SRGAP3: variants seen among roughly 807,000 people sequenced by gnomAD.
SRGAP3 encodes SLIT-ROBO Rho GTPase activating protein 3, also known as SLIT-ROBO Rho GTPase-activating protein 3.
Under a neutral mutation model 121.1 loss-of-function variants are expected in SRGAP3, and 39 were observed. That is an observed-to-expected ratio of 0.32 (90% CI 0.25 to 0.42). The LOEUF is 0.42. SRGAP3 is among the 10% of genes least tolerant of loss of function. SRGAP3 has a pLI of 1.00. For synonymous variants in SRGAP3, 601 were observed against 570.0 expected, an observed-to-expected ratio of 1.05 and a Z score of -0.77; for missense variants, 1,213 against 1,470.6, an observed-to-expected ratio of 0.82 and a Z score of 2.86.
chr3:9,080,409 T>G (rs568960771), intron 3 of SRGAP3, among the ~76,000 whole-genome samples: 2 of 152,364 alleles, frequency 1.3e-5, no homozygotes, highest in East Asian at 3.9e-4. Context: ...TTTTCTTTAA[T>G]TCTACGTGTA....
chr3:9,278,753 G>A lies in SRGAP3; in HGVS notation n.442+47257C>T, dbSNP rs751375352. Among the ~76,000 whole-genome samples, 12 of 152,276 alleles carry A rather than the reference G, an allele frequency of 7.9e-5. No homozygotes were observed. In the East Asian group the frequency reaches 1.4e-3, roughly 17 times the overall value. On this transcript the variant is annotated intron_variant and non_coding_transcript_variant, in intron 3 of 3. Transcript: ENST00000490889. ...CCTTGGTGTCCTCGTGAATGGGGATGTACCAGACTCTTTCAGTTGCAAGTG... is the reference window on the plus strand; with the variant it reads ...CCTTGGTGTCCTCGTGAATGGGGATATACCAGACTCTTTCAGTTGCAAGTG...
rs569724968 is a variant in SRGAP3, at chr3:9,326,531, C to T, written n.284-363G>A. Among the ~76,000 whole-genome samples, 16 of 151,800 alleles carry T rather than the reference C, an allele frequency of 1.1e-4. No homozygotes were observed. The East Asian group carries it at 3.1e-3, about 29-fold the overall frequency. On this transcript the variant is annotated intron_variant and non_coding_transcript_variant, in intron 2 of 3. Coordinates refer to the SRGAP3 transcript ENST00000490889. ...AATGCAGAACCTTTAATAACAAAAG[C>T]TTTAAGGACTTGGGAAGGATAAGGT...
At chr3:9,319,488 G>A (rs1357528795) in intron 3 of SRGAP3, among the ~76,000 whole-genome samples, 1 of 151,882 alleles carries the variant, frequency 6.6e-6, no homozygotes, top group African/African-American at 2.4e-5. Context: ...GGTGGTAACA[G>A]GCAGAGGAAA....
At chr3:9,013,965 C>A in intron 15 of SRGAP3, 123 bp from the exon 16 acceptor site, 1 of 865,548 alleles carries the variant, frequency 1.2e-6, no homozygotes, top group Admixed American at 2.0e-5. Context: ...ACTCTTGATT[C>A]CAGGGATCAC....
intron 1 of SRGAP3, among the ~76,000 whole-genome samples, chr3:9,222,223 T>G (rs1010410554): frequency 1.3e-5 from 2 of 152,188 alleles, no homozygotes; most frequent in Non-Finnish European, 2.9e-5. Flanking sequence ...CTGGGAGCAA[T>G]GGGCAACCAC....
At chr3:9,178,798 A>G (rs184035814) in intron 1 of SRGAP3, among the ~76,000 whole-genome samples, 1 of 152,284 alleles carries the variant, frequency 6.6e-6, no homozygotes, top group East Asian at 1.9e-4. Flanking sequence ...GGCCCCAGAA[A>G]GAAAAACAAA....
chr3:9,145,940 A>C (rs1365710450), intron 1 of SRGAP3, among the ~76,000 whole-genome samples: 1 of 152,204 alleles, frequency 6.6e-6, no homozygotes, highest in Admixed American at 6.5e-5. Flanking sequence ...GCTAAAAGTT[A>C]AGAAGTTTAG....
chr3:9,121,573 T>C (rs548232557), intron 2 of SRGAP3, among the ~76,000 whole-genome samples: 240 of 152,298 alleles, frequency 1.6e-3, no homozygotes, highest in Middle Eastern at 3.4e-3. Context: ...CTAATTAGAC[T>C]TTCATAGTGC....
chr3:9,183,381 T>C (rs1189213832), intron 1 of SRGAP3, among the ~76,000 whole-genome samples: 1 of 152,150 alleles, frequency 6.6e-6, no homozygotes, highest in African/African-American at 2.4e-5. Flanking sequence ...GATGCAAGAA[T>C]TAAATGAGGT....
chr3:9,249,313 G>A lies in SRGAP3; in HGVS notation c.-362C>T, dbSNP rs747098560. On this transcript the variant is annotated 5_prime_UTR_variant, in exon 1 of 22. Transcript: ENST00000383836. ...CACATGCACACGTACACACACTCAC[G>A]CATGCACAGGCACACTCACCGGGAC... 1 of 433,168 alleles carries A rather than the reference G, an allele frequency of 2.3e-6. No individual in the cohort carries two copies. The allele number at this position is 433,168 out of a possible 1,614,324, so 26.8% of individuals were successfully genotyped here. A position where few individuals can be genotyped will look rare whatever the true frequency, so the allele number is the denominator to read the frequency against.
chr3:8,989,642 C>CA (rs1010006526), intron 21 of SRGAP3, among the ~76,000 whole-genome samples: 9 of 151,420 alleles, frequency 5.9e-5, no homozygotes, highest in Middle Eastern at 3.4e-3. Flanking sequence ...ATTCCAGAGA[C>CA]AAAAAAAATG....
At position 9,183,767 on chromosome 3, in the gene SRGAP3, A is replaced by AACACACACAC. The variant is rs62971361; in HGVS notation, c.68-58860_68-58851dup. On this transcript the variant is annotated intron_variant, in intron 1 of 21. Transcript: ENST00000383836. ...TATAGTACTAAAACACAAATTTGCTAACACACACACACACACACACACACA... is the reference window on the plus strand; with the variant it reads ...TATAGTACTAAAACACAAATTTGCTAACACACACACACACACACACACACACACACACACA... Among the ~76,000 whole-genome samples the AACACACACAC allele has an allele frequency of 2.7e-4, 40 of 148,262 alleles. 1 individual carries two copies. The highest frequency in any genetic ancestry group is 8.8e-4 in the South Asian group (4 of 4,540).
At chr3:9,253,629 A>G (rs554304706), upstream of SRGAP3, among the ~76,000 whole-genome samples, 3 of 152,352 alleles carry the variant, frequency 2.0e-5, no homozygotes, top group East Asian at 5.8e-4. Context: ...ACCAGCAAAT[A>G]CATCCTTGGG....
intron 10 of SRGAP3, among the ~76,000 whole-genome samples, chr3:9,038,546 G>A (rs534022249): frequency 2.0e-5 from 3 of 152,324 alleles, no homozygotes; most frequent in Non-Finnish European, 4.4e-5. Flanking sequence ...AAGATTGACC[G>A]AGCCCCTGTT....
chr3:9,311,057 C>T (rs1955233054), intron 3 of SRGAP3, among the ~76,000 whole-genome samples: 1 of 151,764 alleles, frequency 6.6e-6, no homozygotes, highest in African/African-American at 2.4e-5. Flanking sequence ...GTAATCCCAG[C>T]TACTCGGAAG....
intron 3 of SRGAP3, among the ~76,000 whole-genome samples, chr3:9,095,228 G>T (rs1947920972): frequency 6.6e-6 from 1 of 151,664 alleles, no homozygotes; most frequent in African/African-American, 2.4e-5. Context: ...TCTTCTCCTT[G>T]TCTTGGCCAT....
intron 3 of SRGAP3, among the ~76,000 whole-genome samples, chr3:9,261,870 T>C (rs1293998769): frequency 2.0e-5 from 2 of 100,034 alleles, no homozygotes; most frequent in Non-Finnish European, 4.3e-5. Context: ...ATACTCCTCA[T>C]ATATTTAAAA....
intron 1 of SRGAP3, among the ~76,000 whole-genome samples, chr3:9,180,875 T>C (rs1411368502): frequency 2.0e-5 from 3 of 151,996 alleles, no homozygotes; most frequent in South Asian, 2.1e-4. Flanking sequence ...AAGTACACCA[T>C]CCGCCGGCTT....
chr3:9,038,599 C>T (rs552060762), intron 10 of SRGAP3, among the ~76,000 whole-genome samples: 4 of 152,366 alleles, frequency 2.6e-5, no homozygotes, highest in African/African-American at 9.6e-5. Flanking sequence ...GGCTGGTGCT[C>T]CTCCACCCTG....
Sources: allele counts gnomAD v4.1 joint callset (sites outside exome capture counted in the v4.1 genomes callset), GRCh38; gene constraint gnomAD v4.1.1; transcripts MANE v1.5; gene names NCBI Gene and HGNC (gene_info 2026-07-23, HGNC 2026-07-21).